Variants in RSPH14 observed in about 807,000 individuals in gnomAD.
RSPH14 encodes the protein rhabdoid tumor deletion region gene 1.
Under a neutral mutation model 26.7 loss-of-function variants are expected in RSPH14, and 20 were observed. That is an observed-to-expected ratio of 0.75 (90% confidence interval 0.53 to 1.09). RSPH14 has a LOEUF of 1.09. Ranked by LOEUF, RSPH14 falls within the 50% of genes least tolerant of loss-of-function variation. The pLI is 0.00. For missense variants in RSPH14, 449 were observed against 457.2 expected (o/e 0.98, Z 0.16); for synonymous variants, 177 against 189.3 (o/e 0.93, Z 0.53).
chr22:23,146,265 G>A (rs543249386), upstream of RSPH14, among the ~76,000 whole-genome samples: 3 of 152,306 alleles, frequency 2.0e-5, no homozygotes, highest in Admixed American at 6.5e-5. Context: ...CTGGAGTGCA[G>A]TGGCACCTTC....
At chr22:23,112,730 A>G (rs1435961066) in intron 4 of RSPH14, among the ~76,000 whole-genome samples, 1 of 152,158 alleles carries the variant, frequency 6.6e-6, no homozygotes, top group Non-Finnish European at 1.5e-5. Context: ...ACTGGCTGCA[A>G]TGGGGAGCCT....
intron 4 of RSPH14, among the ~76,000 whole-genome samples, chr22:23,112,694 A>G (rs2283803): frequency 0.51 from 77,118 of 152,048 alleles, 19,987 homozygotes; most frequent in East Asian, 0.62. Context: ...TGCTCAAGGT[A>G]AGCACGATGC....
chr22:23,178,415 C>CAAAA, the RSPH14 span, among the ~76,000 whole-genome samples: 2 of 129,044 alleles, frequency 1.5e-5, no homozygotes, highest in Non-Finnish European at 1.7e-5. Context: ...GACTCCGTCT[C>CAAAA]AAAAAAAAAA....
the RSPH14 span, among the ~76,000 whole-genome samples, chr22:23,171,216 G>T: frequency 1.3e-5 from 2 of 152,046 alleles, no homozygotes; most frequent in Non-Finnish European, 2.9e-5. Context: ...TCCACCCACT[G>T]TGGCCTCCCA....
At chr22:23,108,203 G>A (rs897236659) in intron 4 of RSPH14, among the ~76,000 whole-genome samples, 2 of 152,276 alleles carry the variant, frequency 1.3e-5, no homozygotes, top group East Asian at 3.8e-4. Context: ...CCTGCAGCAT[G>A]TGCCATCTGG....
At chr22:23,104,150 G>A (rs1203681929) in intron 4 of RSPH14, among the ~76,000 whole-genome samples, 1 of 152,018 alleles carries the variant, frequency 6.6e-6, no homozygotes, top group Non-Finnish European at 1.5e-5. Flanking sequence ...GACTGAGGGG[G>A]CTGTCGGGGG....
At chr22:23,171,444 C>G in the RSPH14 span, among the ~76,000 whole-genome samples, 1 of 152,220 alleles carries the variant, frequency 6.6e-6, no homozygotes, top group Non-Finnish European at 1.5e-5. Context: ...TCTGGAGTAG[C>G]TGGAACTACA....
At chr22:23,064,709 C>T (rs780004503) in intron 4 of RSPH14, among the ~76,000 whole-genome samples, 5 of 152,140 alleles carry the variant, frequency 3.3e-5, no homozygotes, top group South Asian at 4.1e-4. Flanking sequence ...CTAAAGGTGA[C>T]GGGAAGCCAT....
chr22:23,126,354 C>T (rs775201332), intron 4 of RSPH14, among the ~76,000 whole-genome samples: 11 of 152,194 alleles, frequency 7.2e-5, no homozygotes, highest in Non-Finnish European at 1.5e-4. Context: ...CCCGTCCTCC[C>T]CTGCAGTTCA....
the RSPH14 span, among the ~76,000 whole-genome samples, chr22:23,169,825 G>A: frequency 6.6e-6 from 1 of 152,136 alleles, no homozygotes; most frequent in South Asian, 2.1e-4. Context: ...TACCTTGGCT[G>A]GGTGCGGTGG....
chr22:23,158,088 A>G, the RSPH14 span: 3 of 1,610,628 alleles, frequency 1.9e-6, no homozygotes, highest in Non-Finnish European at 2.5e-6. Flanking sequence ...TGGGCTCAGG[A>G]AGCTGCCTGG....
upstream of RSPH14, chr22:23,145,411 A>G (rs1480567516): frequency 6.2e-7 from 1 of 1,610,202 alleles, no homozygotes; most frequent in African/African-American, 1.3e-5. Flanking sequence ...CGCCGCTGCC[A>G]GTCCAACGCA....
chr22:23,155,346 G>A, the RSPH14 span, among the ~76,000 whole-genome samples: 1 of 152,210 alleles, frequency 6.6e-6, no homozygotes, highest in Non-Finnish European at 1.5e-5. Flanking sequence ...CTGTGCCCAT[G>A]GCAGACATCA....
At chr22:23,080,451 G>A (rs1203790392) in intron 4 of RSPH14, among the ~76,000 whole-genome samples, 4 of 152,236 alleles carry the variant, frequency 2.6e-5, no homozygotes, top group African/African-American at 9.7e-5. Context: ...TTGTCTGTAG[G>A]ATGGGGACAC....
At chr22:23,091,848 G>A (rs1408659745) in intron 4 of RSPH14, among the ~76,000 whole-genome samples, 1 of 152,142 alleles carries the variant, frequency 6.6e-6, no homozygotes, top group African/African-American at 2.4e-5. Flanking sequence ...CCTTCCTCTT[G>A]CCTGGTACCT....
intron 4 of RSPH14, among the ~76,000 whole-genome samples, chr22:23,111,757 C>T (rs1191159717): frequency 2.6e-5 from 4 of 152,212 alleles, no homozygotes; most frequent in African/African-American, 7.2e-5. Flanking sequence ...CCAGCAGGGT[C>T]GTGGGCAAGC....
upstream of RSPH14, chr22:23,146,629 C>T: frequency 6.2e-7 from 1 of 1,614,002 alleles, no homozygotes; most frequent in East Asian, 2.2e-5. Flanking sequence ...GAGGTCCTCC[C>T]TGACACCTTT....
At chr22:23,115,822 A>T (rs908675004) in intron 4 of RSPH14, among the ~76,000 whole-genome samples, 4 of 152,236 alleles carry the variant, frequency 2.6e-5, no homozygotes, top group African/African-American at 9.6e-5. Flanking sequence ...TGCTCACTTC[A>T]GGAAATTCTG....
intron 4 of RSPH14, among the ~76,000 whole-genome samples, chr22:23,129,358 G>A (rs1167591233): frequency 1.3e-5 from 2 of 152,098 alleles, no homozygotes; most frequent in African/African-American, 2.4e-5. Flanking sequence ...ATGAAGGGCC[G>A]AGGCTCCCCA....
Sources: gnomAD v4.1 joint callset for allele counts (sites outside exome capture counted in the v4.1 genomes callset) on GRCh38, gnomAD v4.1.1 for gene constraint, MANE v1.5 for transcripts, NCBI Gene and HGNC (gene_info 2026-07-23, HGNC 2026-07-21) for gene names.